The following ZMAT4 variants were observed in gnomAD, a reference collection of about 807,000 sequenced individuals.
The protein encoded by ZMAT4 is zinc finger matrin-type 4, also known as zinc finger matrin-type protein 4.
In ZMAT4, 17 loss-of-function variants were observed where a neutral mutation model predicts 28.7. That is an observed-to-expected ratio of 0.59 (90% confidence interval 0.41 to 0.89). The LOEUF (loss-of-function observed/expected upper bound fraction) is 0.89, where lower values mean the gene tolerates loss of function less well. Among genes scored for constraint, ZMAT4 ranks in the 40% least tolerant of loss-of-function variants. The pLI is 0.00. For synonymous variants in ZMAT4, 117 were observed against 109.2 expected, an observed-to-expected ratio of 1.07 and a Z score of -0.44; for missense variants, 240 against 283.8, an observed-to-expected ratio of 0.85 and a Z score of 1.11.
chr8:40,572,754 A>G lies in ZMAT4; in HGVS notation c.674+8411T>C, dbSNP rs376786667. Reference sequence around the variant, plus strand: ...TTCCAAACCTTTAATCTCATCAGATAGTTAATATTTCTCCTGTTGTTTAAC... The same window carrying G: ...TTCCAAACCTTTAATCTCATCAGATGGTTAATATTTCTCCTGTTGTTTAAC... On this transcript the variant is annotated intron_variant, in intron 6 of 6. Transcript: ENST00000297737. Among the ~76,000 whole-genome samples the G allele has an allele frequency of 1.3e-4, 20 of 152,186 alleles. No individual in the cohort carries two copies. The East Asian group carries it at 1.7e-3, about 13-fold the overall frequency.
intron 1 of ZMAT4, among the ~76,000 whole-genome samples, chr8:40,845,646 C>T (rs1192920140): frequency 6.6e-6 from 1 of 151,644 alleles, no homozygotes; most frequent in African/African-American, 2.4e-5. Flanking sequence ...ACAGTGAGAA[C>T]CCCAAGAGAC....
chr8:40,825,800 G>A (rs1816014321), intron 1 of ZMAT4, 120 bp from the exon 2 acceptor site: 1 of 701,444 alleles, frequency 1.4e-6, no homozygotes, highest in Non-Finnish European at 2.4e-6. Context: ...CAGAGGGGTG[G>A]ATCTCCCTAC....
intron 5 of ZMAT4, among the ~76,000 whole-genome samples, chr8:40,625,005 AG>A (rs1273815343): frequency 1.3e-5 from 2 of 152,184 alleles, no homozygotes; most frequent in Non-Finnish European, 2.9e-5. Flanking sequence ...TGGTAAAAGG[AG>A]GGGGCAGTGC....
Position 40,571,564 on chromosome 8 carries a change from T to C in ZMAT4, c.674+9601A>G, listed in dbSNP as rs1804099795. Reference sequence around the variant, plus strand: ...GCCCAAAGGCTGTGACACAGCCTCATTCCTGTCGTTGTCACAGTGATGCTG... The same window carrying C: ...GCCCAAAGGCTGTGACACAGCCTCACTCCTGTCGTTGTCACAGTGATGCTG... On this transcript the variant is annotated intron_variant, in intron 6 of 6. Coordinates refer to ENST00000297737, the MANE Select transcript of ZMAT4 (RefSeq NM_024645.3). Among the ~76,000 whole-genome samples the C allele has an allele frequency of 2.6e-5, 4 of 152,122 alleles. No homozygotes were observed. The South Asian group carries it at 8.3e-4, about 32-fold the overall frequency.
chr8:40,652,860 A>ACTCATAC (rs71224841), intron 5 of ZMAT4, among the ~76,000 whole-genome samples: 77,269 of 141,754 alleles, frequency 0.55, 21,851 homozygotes, highest in East Asian at 0.69. Flanking sequence ...ACATATTCTC[A>ACTCATAC]CTCATAGGTG....
intron 6 of ZMAT4, among the ~76,000 whole-genome samples, chr8:40,570,961 T>A (rs1327575350): frequency 1.3e-5 from 2 of 152,116 alleles, no homozygotes; most frequent in Non-Finnish European, 2.9e-5. Flanking sequence ...GGAGGACTAA[T>A]CTGAAGCAGC....
chr8:40,598,058 A>AT (rs1805160405), intron 5 of ZMAT4, among the ~76,000 whole-genome samples: 2 of 76,620 alleles, frequency 2.6e-5, no homozygotes, highest in Non-Finnish European at 1.0e-4. Context: ...AAGCTCCCTG[A>AT]ATTTTTTTTA....
intron 5 of ZMAT4, among the ~76,000 whole-genome samples, chr8:40,657,874 C>T (rs1563393037): frequency 6.6e-6 from 1 of 152,120 alleles, no homozygotes; most frequent in Admixed American, 6.5e-5. Context: ...ATTTATCTTA[C>T]TTAGGATTCA....
At chr8:40,612,009 G>A (rs940237972) in intron 5 of ZMAT4, among the ~76,000 whole-genome samples, 5 of 152,188 alleles carry the variant, frequency 3.3e-5, no homozygotes, top group African/African-American at 1.2e-4. Flanking sequence ...CATGGGAGGA[G>A]CATGGGCATT....
At chr8:40,670,125 C>T (rs1029378181) in intron 5 of ZMAT4, among the ~76,000 whole-genome samples, 15 of 152,138 alleles carry the variant, frequency 9.9e-5, no homozygotes, top group Non-Finnish European at 2.2e-4. Context: ...AGTTGGAGAA[C>T]TTGCACTACC....
At chr8:40,644,061 A>C (rs544528138) in intron 5 of ZMAT4, among the ~76,000 whole-genome samples, 1 of 152,300 alleles carries the variant, frequency 6.6e-6, no homozygotes, top group South Asian at 2.1e-4. Flanking sequence ...ATTTTATAAA[A>C]ATCTCTATAG....
intron 6 of ZMAT4, among the ~76,000 whole-genome samples, chr8:40,565,405 T>C (rs1405550777): frequency 8.4e-6 from 1 of 119,618 alleles, no homozygotes. Flanking sequence ...TTTTTTGAGA[T>C]GAAGTTTTGT....
chr8:40,734,168 C>T (rs1175258740), intron 3 of ZMAT4, among the ~76,000 whole-genome samples: 1 of 152,148 alleles, frequency 6.6e-6, no homozygotes, highest in Non-Finnish European at 1.5e-5. Flanking sequence ...TCTCAATAGG[C>T]ACACGTTTGG....
chr8:40,779,479 C>G (rs916564311), intron 2 of ZMAT4, among the ~76,000 whole-genome samples: 1 of 151,964 alleles, frequency 6.6e-6, no homozygotes, highest in Non-Finnish European at 1.5e-5. Context: ...GGTGAGGGCA[C>G]GCAAAGCACC....
chr8:40,716,646 C>T (rs989819054), intron 3 of ZMAT4, among the ~76,000 whole-genome samples: 2 of 152,088 alleles, frequency 1.3e-5, no homozygotes, highest in Non-Finnish European at 2.9e-5. Flanking sequence ...GAACTGAGAT[C>T]GTGCCACTGC....
chr8:40,662,038 G>A (rs1256997363), intron 5 of ZMAT4, among the ~76,000 whole-genome samples: 2 of 152,186 alleles, frequency 1.3e-5, no homozygotes, highest in African/African-American at 2.4e-5. Context: ...GTGCAGTGGT[G>A]CAGTCATGAC....
At chr8:40,611,402 G>GC (rs1805790171) in intron 5 of ZMAT4, among the ~76,000 whole-genome samples, 1 of 151,346 alleles carries the variant, frequency 6.6e-6, no homozygotes, top group South Asian at 2.1e-4. Flanking sequence ...ACCCAGTGGC[G>GC]CGATCTCTGC....
At chr8:40,708,357 A>T (rs1173548752) in intron 3 of ZMAT4, among the ~76,000 whole-genome samples, 1 of 152,138 alleles carries the variant, frequency 6.6e-6, no homozygotes, top group Non-Finnish European at 1.5e-5. Context: ...AGACCTGCAA[A>T]TTTTCTGTAC....
At chr8:40,562,325 C>G (rs1014409540) in intron 6 of ZMAT4, among the ~76,000 whole-genome samples, 1 of 152,120 alleles carries the variant, frequency 6.6e-6, no homozygotes, top group Admixed American at 6.6e-5. Context: ...CTCAGAAATC[C>G]CATCATCAAT....
Sources: allele counts gnomAD v4.1 joint callset (sites outside exome capture counted in the v4.1 genomes callset), GRCh38; gene constraint gnomAD v4.1.1; transcripts MANE v1.5; gene names NCBI Gene and HGNC (gene_info 2026-07-23, HGNC 2026-07-21).